Variants in SUCLG2 observed in about 807,000 individuals in gnomAD.
The protein encoded by SUCLG2 is succinate--CoA ligase [GDP-forming] subunit beta, mitochondrial.
A neutral mutation model predicts 47.9 loss-of-function variants in SUCLG2; 42 were observed. That is an observed-to-expected ratio of 0.88 (90% CI 0.69 to 1.14). SUCLG2 has a LOEUF of 1.14. SUCLG2 is among the 50% of genes most tolerant of loss of function. The probability of loss-of-function intolerance (pLI) is 0.00; values close to 1 mark genes in which losing one functional copy is unlikely to be tolerated. For synonymous variants in SUCLG2, 195 were observed against 197.3 expected, an observed-to-expected ratio of 0.99 and a Z score of 0.10; for missense variants, 571 against 525.9, an observed-to-expected ratio of 1.09 and a Z score of -0.84.
chr3:67,430,830 A>G (rs1703458974), intron 9 of SUCLG2, among the ~76,000 whole-genome samples: 2 of 152,150 alleles, frequency 1.3e-5, no homozygotes, highest in Admixed American at 6.5e-5. Context: ...ACACCTCTAC[A>G]CAAATAAACT....
At chr3:67,453,410 C>A (rs927092098) in intron 9 of SUCLG2, among the ~76,000 whole-genome samples, 1 of 152,270 alleles carries the variant, frequency 6.6e-6, no homozygotes, top group African/African-American at 2.4e-5. Context: ...GGTGGTGCCA[C>A]CTTCTTGCTG....
At chr3:67,610,584 A>T (rs1158570285) in intron 1 of SUCLG2, among the ~76,000 whole-genome samples, 1 of 152,184 alleles carries the variant, frequency 6.6e-6, no homozygotes, top group Non-Finnish European at 1.5e-5. Context: ...ATGCAAAGGA[A>T]ACATTACTCA....
At chr3:67,533,911 T>C (rs1430937459) in intron 2 of SUCLG2, among the ~76,000 whole-genome samples, 1 of 151,422 alleles carries the variant, frequency 6.6e-6, no homozygotes, top group African/African-American at 2.4e-5. Context: ...CATGGACTTT[T>C]CAAATTTGGG....
chr3:67,603,701 T>A (rs909451596), intron 2 of SUCLG2, among the ~76,000 whole-genome samples: 1 of 152,192 alleles, frequency 6.6e-6, no homozygotes, highest in Non-Finnish European at 1.5e-5. Flanking sequence ...ATTAATAAAT[T>A]GTAGAGATTC....
chr3:67,461,030 C>T (rs1465144623), intron 9 of SUCLG2, among the ~76,000 whole-genome samples: 1 of 152,158 alleles, frequency 6.6e-6, no homozygotes, highest in African/African-American at 2.4e-5. Context: ...GCCCAGTGTA[C>T]TCTCTGACCC....
intron 10 of SUCLG2, among the ~76,000 whole-genome samples, chr3:67,363,739 G>C (rs917976157): frequency 6.6e-6 from 1 of 151,932 alleles, no homozygotes; most frequent in Non-Finnish European, 1.5e-5. Flanking sequence ...TTAAAAAAAG[G>C]GTAACTCAGC....
At chr3:67,582,956 C>A (rs79047666) in intron 2 of SUCLG2, among the ~76,000 whole-genome samples, 1,689 of 152,224 alleles carry the variant, frequency 0.011, 25 homozygotes, top group East Asian at 0.036. Flanking sequence ...TGTTTTCTTC[C>A]ATCAAACTTC....
At chr3:67,418,342 A>T (rs537136251) in intron 9 of SUCLG2, among the ~76,000 whole-genome samples, 42 of 152,266 alleles carry the variant, frequency 2.8e-4, no homozygotes, top group African/African-American at 9.9e-4. Flanking sequence ...AACTCCTATG[A>T]GCTATGATTT....
In SUCLG2 at chr3:67,455,006, C is replaced by T. The variant is rs568745863; in HGVS notation, c.1062+40792G>A. On this transcript the variant is annotated intron_variant, in intron 9 of 10. Coordinates refer to ENST00000307227, the MANE Select transcript of SUCLG2 (RefSeq NM_003848.4). ...AGAAAATGAACAATTCCCCTATTGT[C>T]ATCTAATATGCAGCCTGCAGTGAAA... is the stretch of plus-strand genomic sequence containing the variant. Among the ~76,000 whole-genome samples the T allele has an allele frequency of 2.0e-5, 3 of 151,006 alleles. No homozygotes were observed. The South Asian group carries it at 6.3e-4, about 32-fold the overall frequency.
At chr3:67,597,262 G>T (rs894598972) in intron 2 of SUCLG2, among the ~76,000 whole-genome samples, 2 of 152,114 alleles carry the variant, frequency 1.3e-5, no homozygotes, top group African/African-American at 4.8e-5. Flanking sequence ...TTGCCCACAG[G>T]GCTGCTGCTT....
chr3:67,580,637 T>G (rs1454574517), intron 2 of SUCLG2, among the ~76,000 whole-genome samples: 2 of 152,196 alleles, frequency 1.3e-5, no homozygotes, highest in African/African-American at 4.8e-5. Context: ...AGATTGTCCC[T>G]TGATTAACTA....
At chr3:67,464,589 T>C (rs1704424304) in intron 9 of SUCLG2, among the ~76,000 whole-genome samples, 1 of 152,180 alleles carries the variant, frequency 6.6e-6, no homozygotes, top group Admixed American at 6.5e-5. Context: ...AAGTCAAAAC[T>C]TATAATTCCA....
intron 2 of SUCLG2, among the ~76,000 whole-genome samples, chr3:67,573,390 C>T (rs1032465932): frequency 6.6e-6 from 1 of 152,204 alleles, no homozygotes; most frequent in African/African-American, 2.4e-5. Context: ...GAAAAATTTT[C>T]ACTTTCAAAT....
intron 7 of SUCLG2, among the ~76,000 whole-genome samples, chr3:67,502,466 C>T (rs762307665): frequency 2.0e-5 from 3 of 152,186 alleles, no homozygotes; most frequent in Non-Finnish European, 2.9e-5. Context: ...ACATTAACCT[C>T]TCTTAAACCC....
At chr3:67,539,471 T>C (rs1706641159) in intron 2 of SUCLG2, among the ~76,000 whole-genome samples, 1 of 152,226 alleles carries the variant, frequency 6.6e-6, no homozygotes, top group South Asian at 2.1e-4. Context: ...CAGTATTTTA[T>C]TGAGGATTTT....
intron 2 of SUCLG2, among the ~76,000 whole-genome samples, chr3:67,558,465 G>A (rs1287209879): frequency 1.3e-5 from 2 of 152,050 alleles, no homozygotes; most frequent in Non-Finnish European, 2.9e-5. Context: ...TTGCTTGGCC[G>A]TGGTGGACTA....
intron 6 of SUCLG2, among the ~76,000 whole-genome samples, chr3:67,517,918 C>T (rs750144975): frequency 7.2e-5 from 11 of 152,024 alleles, no homozygotes; most frequent in Admixed American, 1.3e-4. Flanking sequence ...AACTAAAGTT[C>T]GAATGAGCTG....
intron 9 of SUCLG2, among the ~76,000 whole-genome samples, chr3:67,479,333 A>T (rs1031455693): frequency 1.3e-5 from 2 of 152,130 alleles, no homozygotes; most frequent in African/African-American, 2.4e-5. Flanking sequence ...TTCTATTTTT[A>T]AAAAAAGCAG....
At chr3:67,485,271 T>C (rs1345486078) in intron 9 of SUCLG2, among the ~76,000 whole-genome samples, 1 of 152,234 alleles carries the variant, frequency 6.6e-6, no homozygotes, top group Non-Finnish European at 1.5e-5. Context: ...TCCTGAATTA[T>C]GTTAATTTTC....
Sources: allele counts gnomAD v4.1 joint callset (sites outside exome capture counted in the v4.1 genomes callset), GRCh38; gene constraint gnomAD v4.1.1; transcripts MANE v1.5; gene names NCBI Gene and HGNC (gene_info 2026-07-23, HGNC 2026-07-21).